Variants in KCNB2 observed in about 807,000 individuals in gnomAD.
The protein encoded by KCNB2 is delayed rectifier potassium channel protein.
In KCNB2, 15 loss-of-function variants were observed where a neutral mutation model predicts 61.5. The observed-to-expected ratio is 0.24, with a 90% CI of 0.16 to 0.38. The LOEUF is 0.38. Ranked by LOEUF, KCNB2 falls within the 10% of genes least tolerant of loss-of-function variation. The pLI is 1.00. For missense variants in KCNB2, 828 were observed against 1,125.2 expected, an observed-to-expected ratio of 0.74 and a Z score of 3.78; for synonymous variants, 457 against 446.0, an observed-to-expected ratio of 1.02 and a Z score of -0.31.
chr8:72,909,508 C>T (rs928412146), intron 2 of KCNB2, among the ~76,000 whole-genome samples: 2 of 151,964 alleles, frequency 1.3e-5, no homozygotes, highest in African/African-American at 2.4e-5. Flanking sequence ...TTGTAATCCA[C>T]GTCAGGAGTG....
chr8:72,706,866 C>T (rs766478485), intron 2 of KCNB2, among the ~76,000 whole-genome samples: 2 of 152,136 alleles, frequency 1.3e-5, no homozygotes, highest in Admixed American at 6.6e-5. Context: ...ACCCACAGTC[C>T]CAGTCTCTGT....
intron 2 of KCNB2, among the ~76,000 whole-genome samples, chr8:72,825,593 G>C (rs1025624445): frequency 6.6e-6 from 1 of 152,100 alleles, no homozygotes; most frequent in Non-Finnish European, 1.5e-5. Flanking sequence ...TCATTTCAAT[G>C]GGTGTGAAGT....
At chr8:72,593,855 C>G (rs953048058) in intron 2 of KCNB2, among the ~76,000 whole-genome samples, 8 of 152,060 alleles carry the variant, frequency 5.3e-5, no homozygotes, top group Non-Finnish European at 1.0e-4. Context: ...CAGAGTCTGC[C>G]AAATGACTTT....
chr8:72,593,484 G>A (rs1327625990), intron 2 of KCNB2, among the ~76,000 whole-genome samples: 1 of 152,210 alleles, frequency 6.6e-6, no homozygotes, highest in Non-Finnish European at 1.5e-5. Flanking sequence ...TTTACGGAAT[G>A]TGTCACTACT....
intron 2 of KCNB2, among the ~76,000 whole-genome samples, chr8:72,913,626 A>T (rs1272401121): frequency 6.6e-6 from 1 of 152,182 alleles, no homozygotes; most frequent in African/African-American, 2.4e-5. Flanking sequence ...GATGAGACAG[A>T]GGGCCACAAT....
intron 2 of KCNB2, among the ~76,000 whole-genome samples, chr8:72,795,289 A>G (rs1043971594): frequency 4.6e-5 from 7 of 152,264 alleles, no homozygotes; most frequent in Non-Finnish European, 1.0e-4. Context: ...CACTGGACCT[A>G]GAGTTGATAT....
chr8:72,801,218 C>T (rs1312674080), intron 2 of KCNB2, among the ~76,000 whole-genome samples: 1 of 152,210 alleles, frequency 6.6e-6, no homozygotes, highest in Non-Finnish European at 1.5e-5. Flanking sequence ...TGTTTTACAG[C>T]ATAGTAGTCA....
At chr8:72,604,083 A>T (rs1805409779) in intron 2 of KCNB2, among the ~76,000 whole-genome samples, 1 of 152,178 alleles carries the variant, frequency 6.6e-6, no homozygotes, top group Non-Finnish European at 1.5e-5. Flanking sequence ...GTACATTGTT[A>T]TGGCAGCCCT....
intron 2 of KCNB2, among the ~76,000 whole-genome samples, chr8:72,610,285 A>T (rs3886586): frequency 0.011 from 1,645 of 152,306 alleles, 18 homozygotes; most frequent in African/African-American, 0.037. Context: ...TGCTTAAATC[A>T]GTGGGATTTC....
chr8:72,821,444 C>T (rs1481655858), intron 2 of KCNB2, among the ~76,000 whole-genome samples: 2 of 152,012 alleles, frequency 1.3e-5, no homozygotes, highest in African/African-American at 4.8e-5. Flanking sequence ...GCCAGATGGC[C>T]TTGGATGATG....
chr8:72,796,560 C>T (rs7812428), intron 2 of KCNB2, among the ~76,000 whole-genome samples: 296 of 152,114 alleles, frequency 1.9e-3, no homozygotes, highest in African/African-American at 6.7e-3. Context: ...TTTCAGCTTC[C>T]CACTGGTGCT....
At chr8:72,803,136 C>T (rs976342863) in intron 2 of KCNB2, among the ~76,000 whole-genome samples, 1 of 152,142 alleles carries the variant, frequency 6.6e-6, no homozygotes. Flanking sequence ...ACTTCCTTCA[C>T]GTTGCGGGGT....
At chr8:72,581,698 A>G (rs1239311878) in intron 2 of KCNB2, among the ~76,000 whole-genome samples, 1 of 152,178 alleles carries the variant, frequency 6.6e-6, no homozygotes, top group Non-Finnish European at 1.5e-5. Flanking sequence ...TAGGCTGAGA[A>G]CCACAGATGT....
intron 2 of KCNB2, among the ~76,000 whole-genome samples, chr8:72,866,691 T>C (rs1405868234): frequency 6.6e-6 from 1 of 152,212 alleles, no homozygotes; most frequent in Non-Finnish European, 1.5e-5. Context: ...GAGAAGTGGG[T>C]GTGCTTCCTA....
chr8:72,542,089 C>T (rs1339818790), intron 1 of KCNB2, among the ~76,000 whole-genome samples: 1 of 151,920 alleles, frequency 6.6e-6, no homozygotes, highest in Admixed American at 6.6e-5. Context: ...ACTATGATAA[C>T]ATTATGAAAA....
chr8:72,914,906 CTT>C (rs369558325), intron 2 of KCNB2, among the ~76,000 whole-genome samples: 42 of 136,144 alleles, frequency 3.1e-4, no homozygotes, highest in Admixed American at 3.7e-4. Context: ...GACTAATCTT[CTT>C]TTTTTTTTTT....
rs781437633 is a variant in KCNB2 at position 72,910,885 on chromosome 8, A to G, written c.580-25050A>G. Among the ~76,000 whole-genome samples the G allele has an allele frequency of 1.0e-3, 156 of 152,088 alleles. 2 individuals are homozygous for G. The highest frequency in any genetic ancestry group is 9.6e-4 in the Non-Finnish European group (65 of 68,038). ...TCATGCCATGGTTTGAAGTATAACA[A>G]AAAGACCTTCAGGGTCTGAATTTGG... On this transcript the variant is annotated intron_variant, in intron 2 of 2. Transcript: ENST00000523207.
At chr8:72,850,903 GA>G (rs1810091215) in intron 2 of KCNB2, among the ~76,000 whole-genome samples, 1 of 38,776 alleles carries the variant, frequency 2.6e-5, no homozygotes, top group Admixed American at 2.4e-4. Flanking sequence ...ATTTGATTGG[GA>G]ATCCAAATTT....
At chr8:72,909,958 A>G (rs1806257953) in intron 2 of KCNB2, among the ~76,000 whole-genome samples, 1 of 152,150 alleles carries the variant, frequency 6.6e-6, no homozygotes, top group Admixed American at 6.6e-5. Flanking sequence ...TTCAGCTGCC[A>G]CTTGACTTGA....
Sources: allele counts gnomAD v4.1 joint callset (sites outside exome capture counted in the v4.1 genomes callset), GRCh38; gene constraint gnomAD v4.1.1; transcripts MANE v1.5; gene names NCBI Gene and HGNC (gene_info 2026-07-23, HGNC 2026-07-21).